PABPC1: variants seen among roughly 807,000 people sequenced by gnomAD.
PABPC1 encodes the protein polyadenylate-binding protein 1.
Under a neutral mutation model 74.0 loss-of-function variants are expected in PABPC1, and 4 were observed. The observed-to-expected ratio is 0.05, with a 90% CI of 0.03 to 0.12. The LOEUF is 0.12. Among genes scored for constraint, PABPC1 ranks in the 10% least tolerant of loss-of-function variants. PABPC1 has a pLI of 1.00. For synonymous variants in PABPC1, 227 were observed against 264.1 expected, an observed-to-expected ratio of 0.86 and a Z score of 1.36; for missense variants, 271 against 821.1, an observed-to-expected ratio of 0.33 and a Z score of 8.19.
chr8:100,716,260 G>C (rs1382629117), intron 3 of PABPC1, among the ~76,000 whole-genome samples: 3 of 152,152 alleles, frequency 2.0e-5, no homozygotes, highest in Non-Finnish European at 2.9e-5. Flanking sequence ...AATTAGTTGG[G>C]TGTGGTGGTG....
At position 100,712,673 on chromosome 8, in the gene PABPC1, T is replaced by A; in HGVS notation, c.855A>T (p.Gln285His). 1 of 1,606,006 alleles carries A rather than the reference T, an allele frequency of 6.2e-7. No individual in the cohort carries two copies. Among genetic ancestry groups the A allele is most frequent in the South Asian group, 1.1e-5 (1 of 88,988 alleles). ...ELKRKFEQMK[Q>H]DRITRYQGVN... is the part of the protein sequence containing the mutation. The stretch of plus-strand genomic sequence containing the variant: ...GAACCTGGTATCTGGTGATCCTATC[T>A]TGTTTCATCTGTTCAAATTTGCGCT... The change falls in exon 6 of 15, where the codon CAA becomes CAT. Residue 285 changes from glutamine to histidine, a missense_variant. Gln to His is a conservative substitution (Grantham distance 24). Around this residue, in one of 7 missense-constraint regions of PABPC1, gnomAD observed 78 missense variants for 202.8 expected, o/e 0.38. Transcript: ENST00000318607.
In PABPC1 at chr8:100,721,973, T is replaced by G. The variant is rs113011740; in HGVS notation, c.-390A>C. ...GACGCGGATTTTTTGTAAATTTTTT[T>G]GGGGTTTTTTAAAAGATTTTTTTAG... On this transcript the variant is annotated 5_prime_UTR_variant, in exon 1 of 15. Transcript: ENST00000318607. The surrounding 1 kb of genome is among the most constrained non-coding windows in gnomAD (Gnocchi z 7.4). 12 of 176,378 alleles carry G rather than the reference T, an allele frequency of 6.8e-5. No individual in the cohort carries two copies. The highest frequency in any genetic ancestry group is 3.5e-4 in the South Asian group (2 of 5,788). 10.9% of individuals were successfully genotyped at this position (176,378 alleles called of 1,614,324 possible).
chr8:100,704,935 G>C lies in PABPC1; in HGVS notation c.1809C>G (p.Leu603=). Residue 603 remains leucine (L), a synonymous_variant, in exon 13 of 15, where the codon CTC becomes CTG. Transcript: ENST00000318607. ...AATAAATTTAAATCACCTTAGAACG[G>C]AGTGACTCTGGAGACTCGAGCATAT... The part of the protein sequence containing the change: ...LLHMLESPES[L]RSKVDEAVAV... 4.3e-6 allele frequency: 7 copies of C among 1,612,184 alleles called. No homozygotes were observed. Among genetic ancestry groups the C allele is most frequent in the Non-Finnish European group, 5.9e-6 (7 of 1,179,808 alleles).
At position 100,715,619 on chromosome 8, in the gene PABPC1, G is replaced by C. The variant is rs1407165860; in HGVS notation, c.504-18C>G. On this transcript the variant is annotated intron_variant, in intron 3 of 14. Coordinates refer to ENST00000318607, the MANE Select transcript of PABPC1 (RefSeq NM_002568.4). ...CAACAAATCTAATAAGATATACAAGGACTATAACATTAGATTCTATTTTAT... is the reference window on the plus strand; with the variant it reads ...CAACAAATCTAATAAGATATACAAGCACTATAACATTAGATTCTATTTTAT... 2 of 1,565,756 alleles carry C rather than the reference G, an allele frequency of 1.3e-6. No individual in the cohort carries two copies. The highest frequency in any genetic ancestry group is 3.6e-5 in the Admixed American group (2 of 56,242).
rs1810844362 is a variant in PABPC1 at position 100,721,896 on chromosome 8, C to T, written c.-313G>A. On this transcript the variant is annotated 5_prime_UTR_variant, in exon 1 of 15. Transcript: ENST00000318607. This position sits in a 1 kb window ranked among gnomAD's most constrained non-coding sequence, Gnocchi z 7.4. ...GGCGGGTCGGTCTCGGCTGCTTCACCGGGTTATTTTATAAAAGAGGAAGAA... is the reference window on the plus strand; with the variant it reads ...GGCGGGTCGGTCTCGGCTGCTTCACTGGGTTATTTTATAAAAGAGGAAGAA... 6.6e-6 allele frequency: 2 copies of T among 302,986 alleles called. No individual in the cohort carries two copies. The highest frequency in any genetic ancestry group is 1.2e-5 in the Non-Finnish European group (2 of 165,464). 18.8% of individuals were successfully genotyped at this position (302,986 alleles called of 1,614,324 possible).
chr8:100,708,013 T>G (rs1810427263), intron 9 of PABPC1, among the ~76,000 whole-genome samples: 1 of 152,330 alleles, frequency 6.6e-6, no homozygotes, highest in East Asian at 1.9e-4. Flanking sequence ...TTTTCCTAGG[T>G]TATGATTATA....
intron 6 of PABPC1, 37 bp downstream of exon 6, chr8:100,712,615 T>A: frequency 1.3e-6 from 2 of 1,590,456 alleles, no homozygotes; most frequent in Non-Finnish European, 1.7e-6. Context: ...GGTTTCCTCA[T>A]CCCTGTCTTA....
chr8:100,704,478 G>C, intron 13 of PABPC1, 88 bp from the exon 14 acceptor site: 2 of 1,097,614 alleles, frequency 1.8e-6, no homozygotes, highest in South Asian at 1.3e-5. Flanking sequence ...TCCCAACAAA[G>C]ATAAGTTTCT....
chr8:100,713,016 G>T, intron 5 of PABPC1, 71 bp downstream of exon 5: 1 of 1,099,504 alleles, frequency 9.1e-7, no homozygotes, highest in Non-Finnish European at 1.3e-6. Flanking sequence ...CTATTAGTAT[G>T]CACATAGACT....
intron 7 of PABPC1, among the ~76,000 whole-genome samples, chr8:100,710,577 G>A (rs1336153901): frequency 6.6e-6 from 1 of 152,180 alleles, no homozygotes; most frequent in African/African-American, 2.4e-5. Context: ...TAAATGCCAG[G>A]TAGATTCTGA....
rs1064427 is a variant in PABPC1, at chr8:100,709,507, G to C, written c.1197C>G (p.Pro399=). 1.9e-6 allele frequency: 3 copies of C among 1,614,224 alleles called. No individual in the cohort carries two copies. Among genetic ancestry groups the C allele is most frequent in the Non-Finnish European group, 2.5e-6 (3 of 1,180,044 alleles). ...AACCTGAAGGAGGTGCTGGCTGGTA[G>C]GGGTTGATTACAGGGTTGGGAACAG... ...VRAVPNPVIN[P]YQPAPPSGYF... Residue 399 remains proline (P), a synonymous_variant, in exon 8 of 15, where the codon CCC becomes CCG. Transcript: ENST00000318607.
At chr8:100,715,415 C>A in intron 4 of PABPC1, 47 bp downstream of exon 4, 2 of 1,500,732 alleles carry the variant, frequency 1.3e-6, no homozygotes, top group Non-Finnish European at 1.8e-6. Context: ...TAACACTGAG[C>A]ACTAATTCAG....
Position 100,704,290 on chromosome 8 carries a change from A to G in PABPC1, c.*1+7T>C. 6.2e-7 allele frequency: 1 copy of G among 1,604,976 alleles called. No individual in the cohort carries two copies. The highest frequency in any genetic ancestry group is 1.1e-5 in the South Asian group (1 of 90,782). ...CTTAAAACAACAAACCAGAGGGAAA[A>G]GCTCACTTTAAACAGTTGGAACACC... On this transcript the variant is annotated splice_region_variant and intron_variant, in intron 14 of 14. Transcript: ENST00000318607.
intron 1 of PABPC1, among the ~76,000 whole-genome samples, 184 bp from the exon 2 acceptor site, chr8:100,718,464 T>C (rs1014419975): frequency 6.6e-6 from 1 of 152,238 alleles, no homozygotes; most frequent in Admixed American, 6.5e-5. Context: ...CTAAGTTGTA[T>C]AAAGCAAAGA....
chr8:100,704,054 CAAAA>C (rs34116624), intron 14 of PABPC1: 3,580 of 176,808 alleles, frequency 0.02, 1 homozygote, highest in East Asian at 0.038. Flanking sequence ...AACTCCATCT[CAAAA>C]AAAAAAAAAA....
Position 100,719,410 on chromosome 8 carries a change from CTT to C in PABPC1, c.194-1132_194-1131del, listed in dbSNP as rs201955538. The stretch of plus-strand genomic sequence containing the variant: ...CTAGTTTTTTTTTTTTTTTAGCTGA[CTT>C]TGCTTGAGCTATTTTTCAATGAGTC... On this transcript the variant is annotated intron_variant, in intron 1 of 14. Coordinates refer to ENST00000318607, the MANE Select transcript of PABPC1 (RefSeq NM_002568.4). Among the ~76,000 whole-genome samples, 58 of 146,352 alleles carry C rather than the reference CTT, an allele frequency of 4.0e-4. No individual in the cohort carries two copies. The East Asian group carries it at 8.1e-3, about 20-fold the overall frequency.
In PABPC1 at chr8:100,705,592, A is replaced by T; in HGVS notation, c.1684T>A (p.Leu562Met). 6.2e-7 allele frequency: 1 copy of T among 1,609,558 alleles called. No individual in the cohort carries two copies. Among genetic ancestry groups the T allele is most frequent in the Non-Finnish European group, 8.5e-7 (1 of 1,175,830 alleles). The change falls in exon 12 of 15, where the codon TTG (leucine) becomes ATG (methionine). Residue 562 changes from leucine (L) to methionine (M), a missense_variant. Leu to Met is a conservative substitution (Grantham distance 15). Transcript: ENST00000318607. ...SAPPQEQKQM[L>M]GERLFPLIQA... ...AAGGTGGGACAGAAGTACTCACCCA[A>T]CATTTGCTTTTGCTCTTGAGGAGGG... is the stretch of plus-strand genomic sequence containing the variant.
chr8:100,717,971 T>C lies in PABPC1; in HGVS notation c.388-83A>G, dbSNP rs757443875. 36 of 1,342,356 alleles carry C rather than the reference T, an allele frequency of 2.7e-5. No homozygotes were observed. In the Admixed American group the frequency reaches 5.3e-4, roughly 20 times the overall value. The allele number at this position is 1,342,356 out of a possible 1,614,324, so 83.2% of individuals were successfully genotyped here. On this transcript the variant is annotated intron_variant, in intron 2 of 14. Transcript: ENST00000318607. ...GTGTTGAGAGACAATCTGTTAGCCA[T>C]CTAACCTGGATATTTGTGAAATAAA...
At chr8:100,705,732 T>G in intron 11 of PABPC1, 59 bp from the exon 12 acceptor site, 1 of 1,067,512 alleles carries the variant, frequency 9.4e-7, no homozygotes, top group Non-Finnish European at 1.4e-6. Flanking sequence ...CAAATACAAA[T>G]AGTCATCAAT....
Sources: gnomAD v4.1 joint callset for allele counts (sites outside exome capture counted in the v4.1 genomes callset) on GRCh38, gnomAD v4.1.1 for gene constraint, gnomAD v4.1.1 regional missense constraint, Gnocchi (gnomAD v3.1) non-coding constraint, MANE v1.5 for transcripts, NCBI Gene and HGNC (gene_info 2026-07-23, HGNC 2026-07-21) for gene names.